The following MIA2 variants were observed in gnomAD, a reference collection of about 807,000 sequenced individuals.
MIA2 encodes melanoma inhibitory activity protein 2.
MIA2 carries 127 observed loss-of-function variants against 167.8 expected under a neutral mutation model. That is an observed-to-expected ratio of 0.76 (90% CI 0.66 to 0.88). The LOEUF (loss-of-function observed/expected upper bound fraction) is 0.88. Among genes scored for constraint, MIA2 ranks in the 40% least tolerant of loss-of-function variants. MIA2 has a pLI of 0.00. For synonymous variants in MIA2, 552 were observed against 541.9 expected, an observed-to-expected ratio of 1.02 and a Z score of -0.26; for missense variants, 1,690 against 1,624.7, an observed-to-expected ratio of 1.04 and a Z score of -0.69.
At position 39,350,132 on chromosome 14, in the gene MIA2, T is replaced by A; in HGVS notation, c.4107T>A (p.Pro1369=). The A allele has an allele frequency of 7.2e-7, 1 of 1,386,452 alleles. No homozygotes were observed. The highest frequency in any genetic ancestry group is 9.8e-7 in the Non-Finnish European group (1 of 1,016,340). 85.9% of individuals were successfully genotyped at this position (1,386,452 alleles called of 1,614,324 possible). The change falls in exon 29 of 29, where the codon CCT becomes CCA. Residue 1369 remains proline, a synonymous_variant. Coordinates refer to ENST00000640607, the MANE Select transcript of MIA2 (RefSeq NM_001329214.4). The stretch of plus-strand genomic sequence containing the variant: ...TCTATCCACCGAGGGGTTTTCCTCC[T>A]TACCTTCCCCCAAGACCTGGATTTT... ...RNVYPPRGFP[P]YLPPRPGFFP...
Position 39,308,429 on chromosome 14 carries a change from GA to G in MIA2, c.2879-19del. 7.1e-7 allele frequency: 1 copy of G among 1,405,106 alleles called. No homozygotes were observed. Among genetic ancestry groups the G allele is most frequent in the Middle Eastern group, 2.6e-4 (1 of 3,810 alleles). The allele number at this position is 1,405,106 out of a possible 1,614,324, so 87.0% of individuals were successfully genotyped here. On this transcript the variant is annotated intron_variant, in intron 17 of 28. Transcript: ENST00000640607. ...CTCAAAATGTTTCTCCTTTAATTATGACTTAAAATTTTTATATAGAGCATAT... is the reference window on the plus strand; with the variant it reads ...CTCAAAATGTTTCTCCTTTAATTATGCTTAAAATTTTTATATAGAGCATAT...
At chr14:39,353,805 A>C (rs113533200), downstream of MIA2, among the ~76,000 whole-genome samples, 2,841 of 152,222 alleles carry the variant, frequency 0.019, 96 homozygotes, top group African/African-American at 0.065. Context: ...ATGAGTGAGA[A>C]TATGCGGTGT....
intron 25 of MIA2, among the ~76,000 whole-genome samples, chr14:39,340,405 T>A (rs1342920677): frequency 6.6e-6 from 1 of 152,174 alleles, no homozygotes; most frequent in Admixed American, 6.5e-5. Context: ...ACAGCTAAAT[T>A]GATGAGAACA....
At chr14:39,320,321 G>C (rs1255275709) in intron 23 of MIA2, among the ~76,000 whole-genome samples, 1 of 152,142 alleles carries the variant, frequency 6.6e-6, no homozygotes, top group Non-Finnish European at 1.5e-5. Flanking sequence ...TTGTAAAGTG[G>C]TAGGTGTCTT....
At chr14:39,259,269 T>A (rs1177631782) in intron 6 of MIA2, among the ~76,000 whole-genome samples, 1 of 152,194 alleles carries the variant, frequency 6.6e-6, no homozygotes, top group Non-Finnish European at 1.5e-5. Context: ...CTGGGGCTCT[T>A]ACCTTTCCTT....
In MIA2 at chr14:39,277,690, GTGTATATATATATATATATATATA is replaced by G. The variant is rs1566683037; in HGVS notation, c.2019+629_2019+652del. ...AGATCTTTTATATATATATATATGT[GTGTATATATATATATATATATATA>G]TGTGTGTATATATATATATATATAT... On this transcript the variant is annotated intron_variant, in intron 7 of 28. Transcript: ENST00000640607. 1.8e-3 allele frequency among the ~76,000 whole-genome samples: 8 copies of G among 4,406 alleles called. 1 individual carries two copies. Among genetic ancestry groups the G allele is most frequent in the African/African-American group, 8.7e-3 (8 of 920 alleles). The allele number at this position is 4,406 out of a possible 152,430, so 2.9% of individuals were successfully genotyped here. A position where few individuals can be genotyped will look rare whatever the true frequency, so the allele number is the denominator to read the frequency against.
intron 23 of MIA2, among the ~76,000 whole-genome samples, chr14:39,358,210 C>A (rs538556719): frequency 6.6e-6 from 1 of 152,308 alleles, no homozygotes; most frequent in Non-Finnish European, 1.5e-5. Flanking sequence ...TAGATTTGGT[C>A]TTTTCACATA....
In MIA2 at chr14:39,234,099, G is replaced by A. The variant is rs747184868; in HGVS notation, c.-16G>A. On this transcript the variant is annotated 5_prime_UTR_variant, in exon 1 of 29. Coordinates refer to ENST00000640607, the MANE Select transcript of MIA2 (RefSeq NM_001329214.4). Reference sequence around the variant, plus strand: ...GGCTTAAACTTCACTTGGGATTCCCGGTTGCTTGTTTTAGCATGGCAAAAT... The same window carrying A: ...GGCTTAAACTTCACTTGGGATTCCCAGTTGCTTGTTTTAGCATGGCAAAAT... 13 of 1,538,356 alleles carry A rather than the reference G, an allele frequency of 8.5e-6. No homozygotes were observed. The highest frequency in any genetic ancestry group is 1.7e-4 in the Middle Eastern group (1 of 5,906).
In MIA2 at chr14:39,279,534, A is replaced by T; in HGVS notation, c.2127A>T (p.Lys709Asn). ...KLLEKFSLVQKEYEGYEVESS... is the reference protein window; with the variant it reads ...KLLEKFSLVQNEYEGYEVESS... ...TTGAAAAATTTAGCCTTGTTCAAAA[A>T]GAGGTAAGATATTTTTGAAAATAAT... is the stretch of plus-strand genomic sequence containing the variant. The change falls in exon 9 of 29, where the codon AAA becomes AAT. Residue 709 changes from lysine to asparagine, a missense_variant. Transcript: ENST00000640607. The T allele has an allele frequency of 6.3e-7, 1 of 1,586,518 alleles. No homozygotes were observed. Among genetic ancestry groups the T allele is most frequent in the Non-Finnish European group, 8.6e-7 (1 of 1,161,230 alleles).
At chr14:39,272,788 G>A (rs2057375246) in intron 6 of MIA2, among the ~76,000 whole-genome samples, 1 of 152,186 alleles carries the variant, frequency 6.6e-6, no homozygotes, top group South Asian at 2.1e-4. Flanking sequence ...CCAGCCCATG[G>A]ACGTGGATTG....
chr14:39,367,415 G>C (rs1176518643), intron 23 of MIA2, among the ~76,000 whole-genome samples: 1 of 152,194 alleles, frequency 6.6e-6, no homozygotes, highest in Admixed American at 6.5e-5. Context: ...TGGATTTCAG[G>C]GACTGTGTGT....
Position 39,302,144 on chromosome 14 carries a change from T to C in MIA2, c.2635T>C (p.Leu879=), listed in dbSNP as rs1482438154. The C allele has an allele frequency of 1.1e-5, 17 of 1,613,614 alleles. No individual in the cohort carries two copies. Among genetic ancestry groups the C allele is most frequent in the Non-Finnish European group, 1.4e-5 (17 of 1,179,646 alleles). ...ESHIKTLTER[L]LKMKDWAAML... is the part of the protein sequence containing the mutation. ...CAATGTCAAGACTCTGACTGAACGC[T>C]TGTTAAAGATGAAAGATTGGGCTGC... is the stretch of plus-strand genomic sequence containing the variant. Residue 879 remains leucine, a synonymous_variant, in exon 15 of 29, where the codon TTG becomes CTG. Transcript: ENST00000640607.
chr14:39,257,840 T>G (rs2054891470), intron 6 of MIA2, among the ~76,000 whole-genome samples: 1 of 152,224 alleles, frequency 6.6e-6, no homozygotes. Flanking sequence ...CCTTCACTTT[T>G]GAAGCTTAGT....
chr14:39,380,788 T>G (rs960022431), intron 23 of MIA2, among the ~76,000 whole-genome samples: 2 of 151,810 alleles, frequency 1.3e-5, no homozygotes, highest in African/African-American at 4.8e-5. Flanking sequence ...TTATTTAGAT[T>G]GCTAGTTTTA....
At chr14:39,366,355 C>A (rs1055497622) in intron 23 of MIA2, among the ~76,000 whole-genome samples, 2 of 152,026 alleles carry the variant, frequency 1.3e-5, no homozygotes, top group Non-Finnish European at 2.9e-5. Context: ...GTGGGCCAGG[C>A]GGGTGGGTTG....
intron 18 of MIA2, among the ~76,000 whole-genome samples, chr14:39,309,357 A>G (rs577613658): frequency 1.9e-4 from 29 of 152,288 alleles, no homozygotes; most frequent in Admixed American, 1.2e-3. Flanking sequence ...CCTACAAGAC[A>G]GTACAGGATT....
chr14:39,321,693 A>C (rs1055093575), intron 24 of MIA2, among the ~76,000 whole-genome samples: 1 of 152,126 alleles, frequency 6.6e-6, no homozygotes, highest in Non-Finnish European at 1.5e-5. Context: ...AAATTTTGTA[A>C]GACTGCATGA....
At chr14:39,253,286 T>C in intron 6 of MIA2, 115 bp downstream of exon 6, 1 of 1,344,994 alleles carries the variant, frequency 7.4e-7, no homozygotes, top group Non-Finnish European at 1.0e-6. Context: ...ATAATGTTTC[T>C]CTTTCCATGA....
intron 6 of MIA2, chr14:39,276,659 GTTTCTTTC>G (rs1021544482): frequency 6.0e-5 from 20 of 331,702 alleles, no homozygotes; most frequent in Admixed American, 4.7e-4. Context: ...AGGTCACTCA[GTTTCTTTC>G]TTTGGCCTTC....
Sources: allele counts gnomAD v4.1 joint callset (sites outside exome capture counted in the v4.1 genomes callset), GRCh38; gene constraint gnomAD v4.1.1; transcripts MANE v1.5; gene names NCBI Gene and HGNC (gene_info 2026-07-23, HGNC 2026-07-21).